The following TET2 variants were observed in gnomAD, a reference collection of about 807,000 sequenced individuals.
The protein encoded by TET2 is methylcytosine dioxygenase TET2.
In TET2, 299 loss-of-function variants were observed where a neutral mutation model predicts 142.9. The ratio of observed to expected loss-of-function variants is 2.09; its 90% CI spans 1.90 to 2.30. The LOEUF (loss-of-function observed/expected upper bound fraction) is 2.30, where lower values mean the gene tolerates loss of function less well. TET2 is among the 30% of genes most tolerant of loss of function. The probability of loss-of-function intolerance (pLI) is 0.00; values close to 1 mark genes in which losing one functional copy is unlikely to be tolerated. For missense variants in TET2, 2,418 were observed against 2,378.0 expected (o/e 1.02, Z -0.35); for synonymous variants, 819 against 849.0 (o/e 0.96, Z 0.61).
intron 1 of TET2, among the ~76,000 whole-genome samples, chr4:105,167,637 A>G (rs1420434752): frequency 6.6e-6 from 1 of 152,132 alleles, no homozygotes; most frequent in Non-Finnish European, 1.5e-5. Flanking sequence ...CCTCAATAAT[A>G]ATGCTTTAGT....
intron 6 of TET2, among the ~76,000 whole-genome samples, chr4:105,247,953 C>T (rs1208223527): frequency 6.6e-6 from 1 of 152,060 alleles, no homozygotes; most frequent in African/African-American, 2.4e-5. Flanking sequence ...AACTCCTGGC[C>T]TCAAGTGATC....
At chr4:105,268,073 A>G (rs1730775960) in intron 8 of TET2, among the ~76,000 whole-genome samples, 1 of 152,128 alleles carries the variant, frequency 6.6e-6, no homozygotes, top group Admixed American at 6.5e-5. Context: ...ATCAAACTGT[A>G]AATTTTAGAA....
At chr4:105,215,517 A>G (rs1175176814) in intron 2 of TET2, among the ~76,000 whole-genome samples, 1 of 152,196 alleles carries the variant, frequency 6.6e-6, no homozygotes, top group African/African-American at 2.4e-5. Flanking sequence ...GTAAATGTTT[A>G]TAAGATTGGT....
intron 2 of TET2, among the ~76,000 whole-genome samples, chr4:105,222,689 C>T (rs557395962): frequency 0.02 from 2,989 of 151,946 alleles, 59 homozygotes; most frequent in African/African-American, 0.046. Flanking sequence ...GATGGTAGTT[C>T]CTTTTGCTGT....
In TET2 at chr4:105,276,783, A is replaced by G. The variant is rs1369974631; in HGVS notation, c.*264A>G. 2 of 383,996 alleles carry G rather than the reference A, an allele frequency of 5.2e-6. No individual in the cohort carries two copies. The highest frequency in any genetic ancestry group is 2.1e-5 in the African/African-American group (1 of 48,368). The allele number at this position is 383,996 out of a possible 1,614,324, so 23.8% of individuals were successfully genotyped here. A position where few individuals can be genotyped will look rare whatever the true frequency, so the allele number is the denominator to read the frequency against. On this transcript the variant is annotated 3_prime_UTR_variant, in exon 11 of 11. Transcript: ENST00000380013. ...AAGGTGGGGAAGAAAGTGTTCCGCAATTTACATTTTTAAACACTGGTTCTA... is the reference window on the plus strand; with the variant it reads ...AAGGTGGGGAAGAAAGTGTTCCGCAGTTTACATTTTTAAACACTGGTTCTA...
chr4:105,212,710 C>A (rs555621500), intron 2 of TET2, among the ~76,000 whole-genome samples: 1 of 152,188 alleles, frequency 6.6e-6, no homozygotes, highest in African/African-American at 2.4e-5. Context: ...TAATTTCCAG[C>A]CAGGTGCGGT....
intron 6 of TET2, among the ~76,000 whole-genome samples, chr4:105,248,788 A>G (rs1729711582): frequency 6.6e-6 from 1 of 152,044 alleles, no homozygotes; most frequent in African/African-American, 2.4e-5. Flanking sequence ...GAAACCCTGT[A>G]TTTATTAGGC....
chr4:105,155,406 A>G (rs1160950703), intron 1 of TET2, among the ~76,000 whole-genome samples: 1 of 152,262 alleles, frequency 6.6e-6, no homozygotes, highest in African/African-American at 2.4e-5. Flanking sequence ...ATGGCTCTCC[A>G]TCTTTGCTAC....
Position 105,235,164 on chromosome 4 carries a change from C to T in TET2, c.1222C>T (p.Pro408Ser). 1 of 1,613,736 alleles carries T rather than the reference C, an allele frequency of 6.2e-7. No individual in the cohort carries two copies. Among genetic ancestry groups the T allele is most frequent in the Non-Finnish European group, 8.5e-7 (1 of 1,179,824 alleles). ...PPPPSQLLLS[P>S]PPPLPQVPQL... is the part of the protein sequence containing the mutation. ...ACCACCATCACAATTGCTTCTTTCT[C>T]CCCCTCCTCCTCTTCCACAGGTTCC... The change falls in exon 3 of 11, where the codon CCC becomes TCC. Residue 408 changes from proline (P) to serine (S), a missense_variant. By Grantham distance (74) the Pro-to-Ser change is moderately conservative. Coordinates refer to ENST00000380013, the MANE Select transcript of TET2 (RefSeq NM_001127208.3).
chr4:105,240,426 TGAA>T (rs1225636318), intron 3 of TET2: 2 of 1,073,782 alleles, frequency 1.9e-6, no homozygotes, highest in Non-Finnish European at 2.3e-6. Context: ...TGGATAGAGA[TGAA>T]GATCTTAATT....
At chr4:105,159,108 C>T (rs769447944) in intron 1 of TET2, among the ~76,000 whole-genome samples, 12 of 152,066 alleles carry the variant, frequency 7.9e-5, no homozygotes, top group Admixed American at 2.0e-4. Flanking sequence ...ATTCATTGTC[C>T]GGGAGCCCTT....
intron 6 of TET2, among the ~76,000 whole-genome samples, chr4:105,249,767 TA>T (rs1400793451): frequency 1.3e-5 from 2 of 152,216 alleles, no homozygotes; most frequent in African/African-American, 4.8e-5. Flanking sequence ...TTAATTGTAT[TA>T]TTTTTAGAGT....
chr4:105,182,257 GA>G (rs886258120), intron 1 of TET2, among the ~76,000 whole-genome samples: 1 of 152,148 alleles, frequency 6.6e-6, no homozygotes, highest in Non-Finnish European at 1.5e-5. Flanking sequence ...GATGGTTACT[GA>G]AAGATTTCCA....
intron 4 of TET2, chr4:105,242,569 G>A (rs1467266781): frequency 8.4e-6 from 10 of 1,191,916 alleles, no homozygotes; most frequent in Middle Eastern, 3.4e-4. Context: ...ATTTTATATC[G>A]AAATGAGCTT....
intron 9 of TET2, among the ~76,000 whole-genome samples, chr4:105,270,182 C>T (rs763285307): frequency 4.6e-5 from 7 of 152,128 alleles, no homozygotes; most frequent in Non-Finnish European, 7.4e-5. Flanking sequence ...TAGTAGCATT[C>T]GGTTAGAGTA....
intron 7 of TET2, among the ~76,000 whole-genome samples, chr4:105,260,406 T>A (rs1730364893): frequency 6.6e-6 from 1 of 151,960 alleles, no homozygotes; most frequent in African/African-American, 2.4e-5. Flanking sequence ...TACATTCCTA[T>A]AAATCCGTTG....
chr4:105,203,971 C>T (rs1215019214), intron 2 of TET2, among the ~76,000 whole-genome samples: 15 of 151,840 alleles, frequency 9.9e-5, no homozygotes, highest in Non-Finnish European at 1.8e-4. Flanking sequence ...GAGGCCAAGG[C>T]GGGTAGATTA....
intron 4 of TET2, chr4:105,242,596 A>G: frequency 8.1e-7 from 1 of 1,228,526 alleles, no homozygotes; most frequent in South Asian, 3.4e-5. Context: ...TTTCACCCAC[A>G]TGTAATTTAC....
intron 2 of TET2, among the ~76,000 whole-genome samples, chr4:105,226,777 C>T (rs1457922244): frequency 6.6e-6 from 1 of 152,120 alleles, no homozygotes; most frequent in Non-Finnish European, 1.5e-5. Flanking sequence ...TCCTATACAG[C>T]CTGCAGAACC....
Sources: allele counts gnomAD v4.1 joint callset (sites outside exome capture counted in the v4.1 genomes callset), GRCh38; gene constraint gnomAD v4.1.1; transcripts MANE v1.5; gene names NCBI Gene and HGNC (gene_info 2026-07-23, HGNC 2026-07-21).